Variants in SUN3 observed in about 807,000 individuals in gnomAD.
The protein encoded by SUN3 is Sad1 and UNC84 domain containing 3.
Under a neutral mutation model 48.2 loss-of-function variants are expected in SUN3, and 36 were observed. The observed-to-expected ratio is 0.75, with a 90% CI of 0.57 to 0.99. The LOEUF (loss-of-function observed/expected upper bound fraction) is 0.99. Ranked by LOEUF, SUN3 falls within the 50% of genes least tolerant of loss-of-function variation. The probability of loss-of-function intolerance (pLI) is 0.00; values close to 1 mark genes in which losing one functional copy is unlikely to be tolerated. For missense variants in SUN3, 419 were observed against 433.1 expected (o/e 0.97, Z 0.29); for synonymous variants, 148 against 147.9 (o/e 1.00, Z 0.00).
chr7:47,996,159 A>G lies in SUN3; in HGVS notation c.578-13T>C. ...ATGATGGAGGCTCCTAAAATTATAA[A>G]GTAAGTTGTAAAATAAAGAAACAAC... On this transcript the variant is annotated splice_polypyrimidine_tract_variant and intron_variant, in intron 6 of 9. Transcript: ENST00000297325. 1 of 1,404,272 alleles carries G rather than the reference A, an allele frequency of 7.1e-7. No homozygotes were observed. Among genetic ancestry groups the G allele is most frequent in the Non-Finnish European group, 9.8e-7 (1 of 1,016,908 alleles). The allele number at this position is 1,404,272 out of a possible 1,614,324, so 87.0% of individuals were successfully genotyped here.
chr7:47,992,595 C>G (rs1473457626), intron 8 of SUN3, among the ~76,000 whole-genome samples: 1 of 151,814 alleles, frequency 6.6e-6, no homozygotes, highest in African/African-American at 2.4e-5. Flanking sequence ...AAGTTGAATC[C>G]TCAGGATGCA....
Position 47,996,118 on chromosome 7 carries a change from T to G in SUN3, c.606A>C (p.Ser202=). 1.3e-6 allele frequency: 2 copies of G among 1,593,534 alleles called. No homozygotes were observed. Among genetic ancestry groups the G allele is most frequent in the Non-Finnish European group, 1.7e-6 (2 of 1,173,130 alleles). ...AGASIIEAGT[S]ESYKNNKAKL... is the part of the protein sequence containing the mutation. ...TTGCTTTATTATTTTTATAACTTTC[T>G]GAGGTCCCAGCTTCAATGATGGAGG... Residue 202 remains serine (S), a synonymous_variant, in exon 7 of 10, where the codon TCA becomes TCC. Coordinates refer to ENST00000297325, the MANE Select transcript of SUN3 (RefSeq NM_001030019.2).
chr7:48,002,045 T>C (rs1330272371), intron 6 of SUN3, among the ~76,000 whole-genome samples: 1 of 152,134 alleles, frequency 6.6e-6, no homozygotes, highest in African/African-American at 2.4e-5. Flanking sequence ...TAACCATTCC[T>C]TTTTCTCCAC....
chr7:48,029,130 C>T, upstream of SUN3: 1 of 752,598 alleles, frequency 1.3e-6, no homozygotes, highest in Non-Finnish European at 2.0e-6. Context: ...GCATCATCCT[C>T]CGTGACACCT....
rs368049372 is a variant in SUN3 at position 48,017,293 on chromosome 7, G to C, written c.257C>G (p.Ala86Gly). Residue 86 changes from alanine to glycine, a missense_variant, in exon 3 of 10, where the codon GCA becomes GGA. Physicochemically the swap from Ala to Gly is moderately conservative, Grantham distance 60. Transcript: ENST00000297325. ...TTTATAAAGCCTTGAACCATATTCT[G>C]CAATTATGGCATATAATTGTCTGGA... ...QKSRQLYAII[A>G]EYGSRLYKYQ... 1 of 1,602,166 alleles carries C rather than the reference G, an allele frequency of 6.2e-7. No homozygotes were observed. The highest frequency in any genetic ancestry group is 8.5e-7 in the Non-Finnish European group (1 of 1,171,146).
chr7:47,994,896 CAAT>C (rs1789163188), intron 7 of SUN3, among the ~76,000 whole-genome samples: 12 of 148,250 alleles, frequency 8.1e-5, no homozygotes, highest in East Asian at 6.2e-4. Flanking sequence ...GTGGTCATGG[CAAT>C]GGTATCACCT....
chr7:48,003,658 T>G (rs1789449277), intron 6 of SUN3, among the ~76,000 whole-genome samples: 1 of 152,234 alleles, frequency 6.6e-6, no homozygotes, highest in Admixed American at 6.5e-5. Flanking sequence ...TATTTTATTC[T>G]TTTTGTGGCA....
At chr7:48,011,454 A>G (rs192677960) in intron 3 of SUN3, among the ~76,000 whole-genome samples, 3 of 152,316 alleles carry the variant, frequency 2.0e-5, no homozygotes, top group African/African-American at 7.2e-5. Flanking sequence ...CACTTCTTAT[A>G]CGTTCTCCTC....
chr7:48,021,109 C>A (rs1210194213), intron 2 of SUN3, among the ~76,000 whole-genome samples: 1 of 151,458 alleles, frequency 6.6e-6, no homozygotes, highest in African/African-American at 2.4e-5. Flanking sequence ...AATAGAGAAC[C>A]CCTACAGAGA....
At chr7:48,020,402 G>A (rs1301565156) in intron 2 of SUN3, among the ~76,000 whole-genome samples, 3 of 152,154 alleles carry the variant, frequency 2.0e-5, no homozygotes, top group Non-Finnish European at 2.9e-5. Flanking sequence ...CAAAGACCTG[G>A]AACACGACAA....
chr7:48,034,097 C>T (rs76525031), upstream of SUN3, among the ~76,000 whole-genome samples: 3,507 of 152,232 alleles, frequency 0.023, 58 homozygotes, highest in Non-Finnish European at 0.031. Context: ...CATACAATCC[C>T]GTAGCTAGAG....
intron 8 of SUN3, among the ~76,000 whole-genome samples, chr7:47,989,846 A>G (rs989525455): frequency 2.0e-5 from 3 of 152,210 alleles, no homozygotes; most frequent in Non-Finnish European, 2.9e-5. Context: ...GTGTCAACTC[A>G]AGGTTAAATG....
chr7:48,034,115 T>C (rs1382455761), upstream of SUN3, among the ~76,000 whole-genome samples: 1 of 152,178 alleles, frequency 6.6e-6, no homozygotes, highest in Non-Finnish European at 1.5e-5. Flanking sequence ...GAGGATGCTG[T>C]GACTTGCACA....
intron 3 of SUN3, among the ~76,000 whole-genome samples, chr7:48,013,335 T>C (rs899776122): frequency 2.6e-5 from 4 of 152,200 alleles, no homozygotes; most frequent in African/African-American, 9.7e-5. Context: ...TAAAGTGTAA[T>C]ATATATTTAG....
chr7:47,995,110 AGTGGTGATG>A (rs952836528), intron 7 of SUN3, among the ~76,000 whole-genome samples: 1 of 147,340 alleles, frequency 6.8e-6, no homozygotes, highest in Admixed American at 6.7e-5. Context: ...TTGAAGTGGT[AGTGGTGATG>A]GTGGTGATGA....
At chr7:48,019,977 C>CAAAAAAAAAAAAAAAAA (rs869166401) in intron 2 of SUN3, among the ~76,000 whole-genome samples, 98 of 64,078 alleles carry the variant, frequency 1.5e-3, no homozygotes, top group Admixed American at 1.9e-3. Flanking sequence ...AAAGACACAT[C>CAAAAAAAAAAAAAAAAA]AAAAAAAAAA....
chr7:48,001,738 G>A (rs1022717569), intron 6 of SUN3, among the ~76,000 whole-genome samples: 7 of 151,844 alleles, frequency 4.6e-5, no homozygotes, highest in Admixed American at 6.6e-5. Flanking sequence ...GGGTTTCACC[G>A]CGTTAGCCAG....
At chr7:47,993,476 TA>T (rs1337967685) in intron 8 of SUN3, among the ~76,000 whole-genome samples, 1 of 152,088 alleles carries the variant, frequency 6.6e-6, no homozygotes, top group Non-Finnish European at 1.5e-5. Context: ...TATTCAGCAA[TA>T]AAAAATAAAT....
At chr7:48,005,260 A>G (rs1310166650) in intron 6 of SUN3, among the ~76,000 whole-genome samples, 1 of 152,214 alleles carries the variant, frequency 6.6e-6, no homozygotes, top group Non-Finnish European at 1.5e-5. Context: ...GGTTTGGGAA[A>G]GTTCTGCCCT....
Sources: gnomAD v4.1 joint callset for allele counts (sites outside exome capture counted in the v4.1 genomes callset) on GRCh38, gnomAD v4.1.1 for gene constraint, MANE v1.5 for transcripts, NCBI Gene and HGNC (gene_info 2026-07-23, HGNC 2026-07-21) for gene names.